Variants in NRXN3 observed in about 807,000 individuals in gnomAD.
NRXN3 encodes the protein neurexin 3.
A neutral mutation model predicts 137.6 loss-of-function variants in NRXN3; 32 were observed. The observed-to-expected ratio is 0.23, with a 90% CI of 0.18 to 0.31. NRXN3 has a LOEUF of 0.31. Among genes scored for constraint, NRXN3 ranks in the 10% least tolerant of loss-of-function variants. The pLI, the probability that NRXN3 is intolerant of heterozygous loss-of-function variation, is 1.00. For missense variants in NRXN3, 1,574 were observed against 2,062.5 expected (o/e 0.76, Z 4.59); for synonymous variants, 798 against 784.5 (o/e 1.02, Z -0.29).
intron 19 of NRXN3, among the ~76,000 whole-genome samples, chr14:79,772,110 C>T (rs2099080551): frequency 1.3e-5 from 2 of 150,832 alleles, no homozygotes; most frequent in East Asian, 1.9e-4. Context: ...CAAACCACTG[C>T]TCAAGGGAAT....
chr14:78,932,788 A>G (rs1330867113), intron 10 of NRXN3, among the ~76,000 whole-genome samples: 1 of 152,194 alleles, frequency 6.6e-6, no homozygotes, highest in African/African-American at 2.4e-5. Flanking sequence ...TGTTTTTTAT[A>G]TATCCTTCCA....
chr14:79,800,104 A>G (rs2099172953), intron 19 of NRXN3, among the ~76,000 whole-genome samples: 1 of 152,202 alleles, frequency 6.6e-6, no homozygotes, highest in South Asian at 2.1e-4. Context: ...GAATATTGGT[A>G]TTTGACATAG....
chr14:78,449,580 C>G (rs186340477), intron 4 of NRXN3, among the ~76,000 whole-genome samples: 12 of 152,296 alleles, frequency 7.9e-5, no homozygotes, highest in Admixed American at 1.3e-4. Flanking sequence ...ATATTTTTCT[C>G]TATTTTTTAT....
At chr14:79,537,241 C>T (rs1352845099) in intron 16 of NRXN3, among the ~76,000 whole-genome samples, 1 of 151,518 alleles carries the variant, frequency 6.6e-6, no homozygotes, top group Non-Finnish European at 1.5e-5. Context: ...TCATGTTTGT[C>T]GGCTGCATAA....
At chr14:79,324,730 G>A (rs968625941) in intron 15 of NRXN3, among the ~76,000 whole-genome samples, 8 of 152,254 alleles carry the variant, frequency 5.3e-5, no homozygotes, top group South Asian at 4.1e-4. Flanking sequence ...AAAAGAGAAC[G>A]TCTGTGGAGT....
intron 17 of NRXN3, among the ~76,000 whole-genome samples, chr14:79,664,392 A>G (rs1376880504): frequency 6.6e-6 from 1 of 152,152 alleles, no homozygotes; most frequent in African/African-American, 2.4e-5. Context: ...ACAATTACTG[A>G]ACTTGAAGAC....
At chr14:79,359,763 G>T (rs1360718751) in intron 15 of NRXN3, among the ~76,000 whole-genome samples, 2 of 151,744 alleles carry the variant, frequency 1.3e-5, no homozygotes, top group Non-Finnish European at 1.5e-5. Flanking sequence ...TAGACATGGG[G>T]TTTCACCATG....
In NRXN3 at chr14:78,966,285, A is replaced by T; in HGVS notation, c.2656A>T (p.Thr886Ser). 2 of 1,613,948 alleles carry T rather than the reference A, an allele frequency of 1.2e-6. No homozygotes were observed. Among genetic ancestry groups the T allele is most frequent in the Non-Finnish European group, 1.7e-6 (2 of 1,179,962 alleles). The change falls in exon 12 of 21, where the codon ACT (threonine) becomes TCT (serine). Residue 886 changes from threonine (T) to serine (S), a missense_variant. Transcript: ENST00000335750. ...KTKSSYLSLA[T>S]LQAYTSMHLF... Reference sequence around the variant, plus strand: ...CAAGAGCAGCTACCTGAGCCTTGCCACTCTTCAGGCTTACACCTCCATGCA... The same window carrying T: ...CAAGAGCAGCTACCTGAGCCTTGCCTCTCTTCAGGCTTACACCTCCATGCA...
intron 15 of NRXN3, among the ~76,000 whole-genome samples, chr14:79,304,951 C>T (rs150959109): frequency 6.6e-5 from 10 of 152,150 alleles, no homozygotes; most frequent in African/African-American, 1.7e-4. Context: ...TCTCCAAAGA[C>T]ATACCCCTAG....
intron 4 of NRXN3, among the ~76,000 whole-genome samples, chr14:78,618,384 G>C (rs1422385235): frequency 6.6e-6 from 1 of 152,054 alleles, no homozygotes; most frequent in Non-Finnish European, 1.5e-5. Context: ...AGTGGGAAGA[G>C]TTTTGCCACT....
chr14:79,253,965 G>T (rs967257824), intron 15 of NRXN3, among the ~76,000 whole-genome samples: 1 of 152,200 alleles, frequency 6.6e-6, no homozygotes, highest in East Asian at 1.9e-4. Context: ...CATAGTTTCA[G>T]CTTATGAACT....
chr14:78,235,718 T>A (rs2066199838), intron 1 of NRXN3, among the ~76,000 whole-genome samples: 1 of 152,192 alleles, frequency 6.6e-6, no homozygotes. Context: ...TGTCCATTTG[T>A]TAAGAACAGA....
intron 19 of NRXN3, among the ~76,000 whole-genome samples, chr14:79,710,102 C>T (rs2098797617): frequency 6.6e-6 from 1 of 151,858 alleles, no homozygotes; most frequent in Non-Finnish European, 1.5e-5. Flanking sequence ...TGTTGTTTTC[C>T]ATTTAAAGTC....
At chr14:79,438,331 C>T (rs142820051) in intron 15 of NRXN3, among the ~76,000 whole-genome samples, 8 of 152,244 alleles carry the variant, frequency 5.3e-5, no homozygotes, top group Admixed American at 1.3e-4. Flanking sequence ...AATAAAAGTT[C>T]GGTTTGGATT....
chr14:79,505,398 C>T (rs2153681533), intron 16 of NRXN3, among the ~76,000 whole-genome samples: 1 of 151,910 alleles, frequency 6.6e-6, no homozygotes, highest in South Asian at 2.1e-4. Context: ...AGCATGTCTT[C>T]CAAAAGCTTC....
chr14:79,513,185 T>C, intron 16 of NRXN3, among the ~76,000 whole-genome samples: 1 of 152,236 alleles, frequency 6.6e-6, no homozygotes, highest in African/African-American at 2.4e-5. Flanking sequence ...TGTTCAAACA[T>C]TGGAAAGCTA....
chr14:78,939,951 A>G (rs1379768313), intron 10 of NRXN3, among the ~76,000 whole-genome samples: 1 of 152,224 alleles, frequency 6.6e-6, no homozygotes, highest in Non-Finnish European at 1.5e-5. Flanking sequence ...TTGCTATGAC[A>G]AAATCGAATA....
At chr14:79,171,328 G>A (rs1596767750) in intron 15 of NRXN3, among the ~76,000 whole-genome samples, 1 of 152,066 alleles carries the variant, frequency 6.6e-6, no homozygotes, top group Non-Finnish European at 1.5e-5. Flanking sequence ...TGGAATAGGG[G>A]GAATTAGATT....
At chr14:78,605,103 T>C (rs578092219) in intron 4 of NRXN3, among the ~76,000 whole-genome samples, 3 of 152,302 alleles carry the variant, frequency 2.0e-5, no homozygotes, top group East Asian at 1.9e-4. Context: ...CGATTTTTTT[T>C]CCCCTACTAC....
Sources: gnomAD v4.1 joint callset for allele counts (sites outside exome capture counted in the v4.1 genomes callset) on GRCh38, gnomAD v4.1.1 for gene constraint, MANE v1.5 for transcripts, NCBI Gene and HGNC (gene_info 2026-07-23, HGNC 2026-07-21) for gene names.